The following BRINP2 variants were observed in gnomAD, a reference collection of about 807,000 sequenced individuals.
BRINP2 encodes the protein BMP/retinoic acid-inducible neural-specific protein 2.
A neutral mutation model predicts 69.2 loss-of-function variants in BRINP2; 21 were observed. The observed-to-expected ratio is 0.30, with a 90% CI of 0.22 to 0.44. BRINP2 has a LOEUF of 0.44. BRINP2 is among the 20% of genes least tolerant of loss of function. The pLI, the probability that BRINP2 is intolerant of heterozygous loss-of-function variation, is 1.00. For missense variants in BRINP2, 877 were observed against 986.0 expected (o/e 0.89, Z 1.48); for synonymous variants, 380 against 394.1 (o/e 0.96, Z 0.42).
In BRINP2 at chr1:177,249,237, GT is replaced by G. The variant is rs1225735410; in HGVS notation, c.270-6681del. Among the ~76,000 whole-genome samples the G allele has an allele frequency of 1.1e-4, 16 of 152,256 alleles. No homozygotes were observed. In the East Asian group the frequency reaches 3.1e-3, roughly 29 times the overall value. On this transcript the variant is annotated intron_variant, in intron 2 of 7. Transcript: ENST00000361539. ...TTGGTTTTTATTAATGATTTTATGT[GT>G]ATGTTCACCCTTTCCTGGAAATACA...
chr1:177,232,792 A>C lies in BRINP2; in HGVS notation c.269+2647A>C, dbSNP rs201037708. Among the ~76,000 whole-genome samples, 23 of 152,332 alleles carry C rather than the reference A, an allele frequency of 1.5e-4. No homozygotes were observed. The South Asian group carries it at 1.9e-3, about 12-fold the overall frequency. On this transcript the variant is annotated intron_variant, in intron 2 of 7. Coordinates refer to ENST00000361539, the MANE Select transcript of BRINP2 (RefSeq NM_021165.4). ...AGAAGAGTAGAAAGAGGAAAAAAAAAAACAACAGAGAATATCAGAAATGCT... is the reference window on the plus strand; with the variant it reads ...AGAAGAGTAGAAAGAGGAAAAAAAACAACAACAGAGAATATCAGAAATGCT...
intron 4 of BRINP2, among the ~76,000 whole-genome samples, chr1:177,264,641 A>G (rs1379707877): frequency 6.6e-6 from 1 of 152,208 alleles, no homozygotes; most frequent in East Asian, 1.9e-4. Flanking sequence ...TGCAAAAATC[A>G]CAAGCATTCC....
chr1:177,194,824 G>T (rs1402141738), intron 1 of BRINP2, among the ~76,000 whole-genome samples: 1 of 152,074 alleles, frequency 6.6e-6, no homozygotes, highest in African/African-American at 2.4e-5. Flanking sequence ...ATCAGGACCT[G>T]CATGGCCCAG....
At chr1:177,248,671 A>C (rs1650475827) in intron 2 of BRINP2, among the ~76,000 whole-genome samples, 1 of 152,132 alleles carries the variant, frequency 6.6e-6, no homozygotes, top group Non-Finnish European at 1.5e-5. Context: ...GGAAGACCCC[A>C]GCTGTGCTCT....
rs1428837794 is a variant in BRINP2 at position 177,255,940 on chromosome 1, G to T, written c.291G>T (p.Val97=). 1 of 1,614,158 alleles carries T rather than the reference G, an allele frequency of 6.2e-7. No homozygotes were observed. Among genetic ancestry groups the T allele is most frequent in the South Asian group, 1.1e-5 (1 of 91,074 alleles). ...RIYREFARWK[V]NNLALERKDF... is the part of the protein sequence containing the mutation. ...CCAGGGAGTTTGCCCGTTGGAAGGT[G>T]AACAACTTGGCTCTGGAAAGGAAGG... The change falls in exon 3 of 8, where the codon GTG becomes GTT. Residue 97 remains valine, a synonymous_variant. Transcript: ENST00000361539.
At chr1:177,245,371 A>C (rs1251651887) in intron 2 of BRINP2, among the ~76,000 whole-genome samples, 1 of 152,214 alleles carries the variant, frequency 6.6e-6, no homozygotes, top group South Asian at 2.1e-4. Context: ...AGTCCAAAGA[A>C]GAATGGCCTA....
intron 1 of BRINP2, among the ~76,000 whole-genome samples, chr1:177,206,203 G>A (rs1174422685): frequency 2.0e-5 from 3 of 152,170 alleles, no homozygotes; most frequent in African/African-American, 7.2e-5. Flanking sequence ...TCAAACTTCA[G>A]ATGACTGAAG....
At chr1:177,235,077 C>T (rs1322432475) in intron 2 of BRINP2, among the ~76,000 whole-genome samples, 1 of 152,146 alleles carries the variant, frequency 6.6e-6, no homozygotes, top group Non-Finnish European at 1.5e-5. Context: ...TTTTGCTGAC[C>T]AACCTCACAG....
At chr1:177,244,614 G>A (rs1238990888) in intron 2 of BRINP2, among the ~76,000 whole-genome samples, 1 of 152,124 alleles carries the variant, frequency 6.6e-6, no homozygotes, top group Non-Finnish European at 1.5e-5. Flanking sequence ...CAGCCTGGGT[G>A]AAAAAGTGAG....
intron 4 of BRINP2, among the ~76,000 whole-genome samples, chr1:177,272,662 A>G (rs1651366142): frequency 2.0e-5 from 3 of 152,244 alleles, no homozygotes; most frequent in Admixed American, 2.0e-4. Context: ...AAGGTGCACT[A>G]TAAATGTTTG....
chr1:177,256,217 T>C, intron 3 of BRINP2, 108 bp downstream of exon 3: 1 of 1,440,994 alleles, frequency 6.9e-7, no homozygotes, highest in Non-Finnish European at 9.3e-7. Flanking sequence ...GGGCCTTTTA[T>C]TGCCTGAGAA....
intron 1 of BRINP2, among the ~76,000 whole-genome samples, chr1:177,200,160 T>C (rs770397730): frequency 2.6e-5 from 4 of 151,272 alleles, no homozygotes; most frequent in Non-Finnish European, 5.9e-5. Flanking sequence ...CATGTGGTGG[T>C]ACATGCCTGT....
At position 177,281,159 on chromosome 1, in the gene BRINP2, C is replaced by A; in HGVS notation, c.1983C>A (p.Ile661=). 1 of 1,614,216 alleles carries A rather than the reference C, an allele frequency of 6.2e-7. No individual in the cohort carries two copies. Among genetic ancestry groups the A allele is most frequent in the Non-Finnish European group, 8.5e-7 (1 of 1,180,040 alleles). Residue 661 remains isoleucine, a synonymous_variant, in exon 8 of 8, where the codon ATC becomes ATA. Transcript: ENST00000361539. Reference sequence around the variant, plus strand: ...TGGATGACAGCTCCAATGAGACAATCTACTATGAGCCCCTGGAGATGACTG... The same window carrying A: ...TGGATGACAGCTCCAATGAGACAATATACTATGAGCCCCTGGAGATGACTG... ...KSLDDSSNET[I]YYEPLEMTDP...
chr1:177,188,326 A>T (rs1376965427), intron 1 of BRINP2, among the ~76,000 whole-genome samples: 3 of 152,246 alleles, frequency 2.0e-5, no homozygotes, highest in East Asian at 1.9e-4. Flanking sequence ...AGACAAAAAA[A>T]TAGAACCCGT....
chr1:177,240,699 A>G (rs921529459), intron 2 of BRINP2, among the ~76,000 whole-genome samples: 1 of 152,194 alleles, frequency 6.6e-6, no homozygotes. Flanking sequence ...GTGCCTACAT[A>G]TCACAGTCAG....
At chr1:177,268,320 T>C (rs548441271) in intron 4 of BRINP2, among the ~76,000 whole-genome samples, 18 of 152,352 alleles carry the variant, frequency 1.2e-4, no homozygotes, top group African/African-American at 4.1e-4. Flanking sequence ...CACTCTTTTG[T>C]TGGTGCTACG....
chr1:177,281,246 G>A lies in BRINP2; in HGVS notation c.2070G>A (p.Leu690=). 6.2e-7 allele frequency: 1 copy of A among 1,614,178 alleles called. No homozygotes were observed. Among genetic ancestry groups the A allele is most frequent in the African/African-American group, 1.3e-5 (1 of 75,026 alleles). ...CCTTGCAGGTCTTTGGCTACAGCCT[G>A]CCCTTTGACCCAGATGCTATCCGGG... is the stretch of plus-strand genomic sequence containing the variant. ...INTLQVFGYS[L]PFDPDAIRDL... is the part of the protein sequence containing the mutation. Residue 690 remains leucine (L), a synonymous_variant, in exon 8 of 8, where the codon CTG becomes CTA. Coordinates refer to ENST00000361539, the MANE Select transcript of BRINP2 (RefSeq NM_021165.4).
intron 4 of BRINP2, among the ~76,000 whole-genome samples, chr1:177,268,077 G>C (rs2102356197): frequency 6.6e-6 from 1 of 152,254 alleles, no homozygotes; most frequent in African/African-American, 2.4e-5. Context: ...AAGGTCTAGA[G>C]ACCTGATGTG....
intron 2 of BRINP2, among the ~76,000 whole-genome samples, chr1:177,236,388 T>C (rs1345483010): frequency 2.0e-5 from 3 of 152,164 alleles, no homozygotes; most frequent in African/African-American, 7.2e-5. Flanking sequence ...TGCATACAAA[T>C]AACTGAATAA....
Sources: gnomAD v4.1 joint callset for allele counts (sites outside exome capture counted in the v4.1 genomes callset) on GRCh38, gnomAD v4.1.1 for gene constraint, MANE v1.5 for transcripts, NCBI Gene and HGNC (gene_info 2026-07-23, HGNC 2026-07-21) for gene names.